TARBP1: variants seen among roughly 807,000 people sequenced by gnomAD.
TARBP1 encodes tRNA guanosine 2 -O-methyltransferase TARBP1.
In TARBP1, 144 loss-of-function variants were observed where a neutral mutation model predicts 178.6. The observed-to-expected ratio is 0.81, with a 90% CI of 0.70 to 0.93. The LOEUF is 0.93. TARBP1 is among the 40% of genes least tolerant of loss of function. The pLI is 0.00. For synonymous variants in TARBP1, 787 were observed against 781.0 expected, an observed-to-expected ratio of 1.01 and a Z score of -0.13; for missense variants, 2,067 against 2,011.7, an observed-to-expected ratio of 1.03 and a Z score of -0.53.
At chr1:234,416,444 G>A (rs1005154991) in intron 22 of TARBP1, among the ~76,000 whole-genome samples, 1 of 152,084 alleles carries the variant, frequency 6.6e-6, no homozygotes, top group African/African-American at 2.4e-5. Context: ...CCACAGGTGT[G>A]CACCACCCCA....
intron 24 of TARBP1, chr1:234,405,614 A>G (rs989902292): frequency 4.7e-5 from 16 of 338,050 alleles, no homozygotes; most frequent in African/African-American, 1.0e-4. Flanking sequence ...AAAGGATGAC[A>G]TTTAGCTATA....
intron 6 of TARBP1, 122 bp downstream of exon 6, chr1:234,463,715 G>A (rs1668145481): frequency 1.9e-6 from 1 of 531,822 alleles, no homozygotes; most frequent in South Asian, 3.8e-5. Context: ...GCATATCCTG[G>A]AAAAGGAAAC....
chr1:234,405,171 A>G (rs1391670132), intron 24 of TARBP1: 1 of 152,200 alleles, frequency 6.6e-6, no homozygotes, highest in African/African-American at 2.4e-5. Context: ...TTAAGATGAA[A>G]AATCTTTTAT....
At chr1:234,445,472 G>A (rs2103198943) in intron 12 of TARBP1, among the ~76,000 whole-genome samples, 1 of 152,284 alleles carries the variant, frequency 6.6e-6, no homozygotes, top group East Asian at 1.9e-4. Flanking sequence ...AATAATAGGA[G>A]AGGGAGGAAA....
At chr1:234,416,269 GA>G (rs1387547032) in intron 22 of TARBP1, among the ~76,000 whole-genome samples, 5 of 152,194 alleles carry the variant, frequency 3.3e-5, no homozygotes, top group Admixed American at 6.5e-5. Context: ...GGAACACGAA[GA>G]TGAAAAAGAA....
In TARBP1 at chr1:234,465,710, TAAAAAAAAAA is replaced by T. The variant is rs531256921; in HGVS notation, c.1249-12_1249-3del. The stretch of plus-strand genomic sequence containing the variant: ...ATCCATTAATGGTCCAATAATAAAC[TAAAAAAAAAA>T]AAAAAAAAAGACACGTAATTGAAAC... On this transcript the variant is annotated splice_polypyrimidine_tract_variant and splice_region_variant and intron_variant, in intron 4 of 29. Coordinates refer to ENST00000040877, the MANE Select transcript of TARBP1 (RefSeq NM_005646.4). 1,487 of 1,271,418 alleles carry T rather than the reference TAAAAAAAAAA, an allele frequency of 1.2e-3. 37 individuals carry two copies. In the South Asian group the frequency reaches 0.024, roughly 21 times the overall value. The allele number at this position is 1,271,418 out of a possible 1,614,324, so 78.8% of individuals were successfully genotyped here. A position where few individuals can be genotyped will look rare whatever the true frequency, so the allele number is the denominator to read the frequency against.
At chr1:234,424,044 C>A (rs1416204238) in intron 20 of TARBP1, among the ~76,000 whole-genome samples, 1 of 152,210 alleles carries the variant, frequency 6.6e-6, no homozygotes, top group Non-Finnish European at 1.5e-5. Context: ...TTGACTCCAA[C>A]ACTACAGAGA....
rs1160030894 is a variant in TARBP1, at chr1:234,418,179, G to A, written c.3610C>T (p.Gln1204Ter). ...TCTATAAAATATTTTATGGATGCTT[G>A]ATTGTTGGTGAAACCAGCCTGGAAA... Reference protein sequence around the residue: ...RIFQAGFTNNQASIKYFIEWI... With the variant: ...RIFQAGFTNN The change falls in exon 22 of 30, where the codon CAA becomes TAA. Residue 1204 changes from glutamine to a stop codon, truncating the protein, a stop_gained. Transcript: ENST00000040877. LOFTEE classifies it high-confidence loss of function. 6.4e-7 allele frequency: 1 copy of A among 1,552,474 alleles called. No homozygotes were observed. Among genetic ancestry groups the A allele is most frequent in the African/African-American group, 1.4e-5 (1 of 70,880 alleles).
chr1:234,419,886 C>A (rs1046983735), intron 21 of TARBP1, among the ~76,000 whole-genome samples: 3 of 151,878 alleles, frequency 2.0e-5, no homozygotes, highest in Non-Finnish European at 2.9e-5. Context: ...TACACTGTTA[C>A]TATTTCTCTC....
At position 234,459,324 on chromosome 1, in the gene TARBP1, T is replaced by A. The variant is rs35562024; in HGVS notation, c.1538A>T (p.Asp513Val). Residue 513 changes from aspartate to valine, a missense_variant and splice_region_variant, in exon 8 of 30, where the codon GAT becomes GTT. Asp to Val is a radical substitution (Grantham distance 152). Coordinates refer to ENST00000040877, the MANE Select transcript of TARBP1 (RefSeq NM_005646.4). ...LGIDGLLALR[D>V]VIHCTMITHQ... ...TGTGATCATAGTGCAATGAATAACA[T>A]CCCTGACATCGAAACACAAAAAATG... 2 of 1,603,716 alleles carry A rather than the reference T, an allele frequency of 1.2e-6. No individual in the cohort carries two copies. Among genetic ancestry groups the A allele is most frequent in the African/African-American group, 1.3e-5 (1 of 74,368 alleles).
intron 22 of TARBP1, among the ~76,000 whole-genome samples, chr1:234,411,867 C>A (rs1392015064): frequency 6.6e-6 from 1 of 152,106 alleles, no homozygotes; most frequent in Non-Finnish European, 1.5e-5. Context: ...AAGAAAAGAG[C>A]ATATAAGCAG....
intron 20 of TARBP1, among the ~76,000 whole-genome samples, chr1:234,424,028 T>C (rs936332818): frequency 6.6e-6 from 1 of 152,246 alleles, no homozygotes. Context: ...CTCTGGGACA[T>C]CTTCCTTGAC....
chr1:234,444,777 A>C (rs1380253916), intron 12 of TARBP1, among the ~76,000 whole-genome samples: 1 of 151,988 alleles, frequency 6.6e-6, no homozygotes, highest in Non-Finnish European at 1.5e-5. Context: ...TCTCTCTATC[A>C]GTGCTCCTTC....
chr1:234,478,495 G>A lies in TARBP1; in HGVS notation c.609C>T (p.Gly203=), dbSNP rs1158724069. ...GRLLPVLVQC[G]GAALRAVWGG... ...CCCACACGGCCCGCAGCGCCGCCCC[G>A]CCACATTGGACCAGCACTGGCAGCA... is the stretch of plus-strand genomic sequence containing the variant. The change falls in exon 1 of 30, where the codon GGC becomes GGT. Residue 203 remains glycine, a synonymous_variant. Transcript: ENST00000040877. The A allele has an allele frequency of 2.9e-6, 4 of 1,390,698 alleles. No individual in the cohort carries two copies. The Admixed American group carries it at 8.3e-5, about 29-fold the overall frequency. 86.1% of individuals were successfully genotyped at this position (1,390,698 alleles called of 1,614,324 possible).
intron 8 of TARBP1, among the ~76,000 whole-genome samples, chr1:234,458,010 A>T (rs1667455833): frequency 6.6e-6 from 1 of 151,980 alleles, no homozygotes; most frequent in South Asian, 2.1e-4. Flanking sequence ...CAATCTTAAA[A>T]AAAAAAAAAA....
At chr1:234,472,431 TATA>T (rs1558261775) in intron 2 of TARBP1, among the ~76,000 whole-genome samples, 1 of 151,774 alleles carries the variant, frequency 6.6e-6, no homozygotes, top group East Asian at 1.9e-4. Context: ...ATTTATACTT[TATA>T]ATAAGCCATT....
Position 234,398,521 on chromosome 1 carries a change from G to T in TARBP1, c.4104C>A (p.Gly1368=). Reference sequence around the variant, plus strand: ...TGGTGATCCATTCATCTTCAATAAGGCCTGAAAGGCGTGGAAGGATGTAAA... The same window carrying T: ...TGGTGATCCATTCATCTTCAATAAGTCCTGAAAGGCGTGGAAGGATGTAAA... ...TIFYILPRLS[G]LIEDEWITID... The change falls in exon 26 of 30, where the codon GGC becomes GGA. Residue 1368 remains glycine (G), a synonymous_variant. Transcript: ENST00000040877. 1 of 1,605,980 alleles carries T rather than the reference G, an allele frequency of 6.2e-7. No individual in the cohort carries two copies. The highest frequency in any genetic ancestry group is 8.5e-7 in the Non-Finnish European group (1 of 1,174,860).
At chr1:234,472,471 T>TA (rs1366435167) in intron 2 of TARBP1, among the ~76,000 whole-genome samples, 4 of 152,016 alleles carry the variant, frequency 2.6e-5, no homozygotes, top group African/African-American at 7.2e-5. Context: ...TGATAAACGT[T>TA]AAAGTTTTAG....
intron 12 of TARBP1, among the ~76,000 whole-genome samples, chr1:234,444,083 T>G (rs1026127089): frequency 1.3e-5 from 2 of 152,226 alleles, no homozygotes; most frequent in Non-Finnish European, 2.9e-5. Context: ...CACAGAACTG[T>G]ACACTTAAAT....
Sources: gnomAD v4.1 joint callset for allele counts (sites outside exome capture counted in the v4.1 genomes callset) on GRCh38, gnomAD v4.1.1 for gene constraint, MANE v1.5 for transcripts, NCBI Gene and HGNC (gene_info 2026-07-23, HGNC 2026-07-21) for gene names.